Variants in BPIFB3 observed in about 807,000 individuals in gnomAD.
BPIFB3 encodes the protein BPI fold-containing family B member 3.
BPIFB3 carries 49 observed loss-of-function variants against 53.1 expected under a neutral mutation model. That is an observed-to-expected ratio of 0.92 (90% CI 0.73 to 1.17). BPIFB3 has a LOEUF of 1.17. Ranked by LOEUF, BPIFB3 falls within the 50% of genes most tolerant of loss-of-function variation. The probability of loss-of-function intolerance (pLI) is 0.00; values close to 1 mark genes in which losing one functional copy is unlikely to be tolerated. For missense variants in BPIFB3, 628 were observed against 592.5 expected (o/e 1.06, Z -0.62); for synonymous variants, 271 against 269.6 (o/e 1.01, Z -0.05).
chr20:33,061,261 G>A (rs745440014), intron 4 of BPIFB3, among the ~76,000 whole-genome samples: 1 of 152,058 alleles, frequency 6.6e-6, no homozygotes, highest in Non-Finnish European at 1.5e-5. Context: ...TGTGTTTGGG[G>A]CTCTGTGGTT....
At chr20:33,067,746 T>A (rs1980726845) in intron 9 of BPIFB3, among the ~76,000 whole-genome samples, 1 of 152,174 alleles carries the variant, frequency 6.6e-6, no homozygotes, top group Non-Finnish European at 1.5e-5. Context: ...GGCCTGCCCC[T>A]CCAGCATGGG....
At chr20:33,058,192 G>A (rs1267247890) in intron 2 of BPIFB3, among the ~76,000 whole-genome samples, 4 of 152,240 alleles carry the variant, frequency 2.6e-5, no homozygotes, top group African/African-American at 9.6e-5. Flanking sequence ...CCCAGTGTAT[G>A]GAGAAGAGTC....
intron 8 of BPIFB3, among the ~76,000 whole-genome samples, 174 bp downstream of exon 9, chr20:33,065,019 G>A (rs1980616748): frequency 6.6e-6 from 1 of 152,182 alleles, no homozygotes; most frequent in African/African-American, 2.4e-5. Flanking sequence ...TATACTTAGG[G>A]GAGACATTGC....
intron 2 of BPIFB3, among the ~76,000 whole-genome samples, chr20:33,057,156 T>C (rs1980244180): frequency 6.6e-6 from 1 of 152,188 alleles, no homozygotes. Flanking sequence ...CCCGGGATCA[T>C]AAATAGGGAC....
At chr20:33,072,375 G>C (rs1011192156) in intron 13 of BPIFB3, among the ~76,000 whole-genome samples, 19 of 152,158 alleles carry the variant, frequency 1.2e-4, no homozygotes, top group African/African-American at 1.7e-4. Flanking sequence ...TGGACTTCAA[G>C]CGCTGATCTG....
At position 33,069,874 on chromosome 20, in the gene BPIFB3, C is replaced by T. The variant is rs1180515595; in HGVS notation, c.1150-14C>T. On this transcript the variant is annotated splice_polypyrimidine_tract_variant and intron_variant, in intron 10 of 14. Coordinates refer to ENST00000375494, the Ensembl canonical transcript of BPIFB3. ...GCCGATTGGGGGTGACTTCTGCCTG[C>T]TTTGCCCATGCAGGTCATGACTGTG... 6.2e-7 allele frequency: 1 copy of T among 1,614,076 alleles called. No individual in the cohort carries two copies. Among genetic ancestry groups the T allele is most frequent in the African/African-American group, 1.3e-5 (1 of 74,940 alleles).
At chr20:33,055,290 C>A, upstream of BPIFB3, 1 of 1,367,724 alleles carries the variant, frequency 7.3e-7, no homozygotes, top group Non-Finnish European at 1.0e-6. Context: ...GAGGAGAAGG[C>A]TTTCCTGGGA....
intron 10 of BPIFB3, 21 bp downstream of exon 11, chr20:33,068,994 T>A: frequency 3.1e-6 from 5 of 1,601,394 alleles, no homozygotes; most frequent in Non-Finnish European, 4.3e-6. Context: ...AAGGGGTGGC[T>A]GGGGGCCCGG....
exon 4 of BPIFB3, chr20:33,060,002 G>C (rs757918943): frequency 1.2e-6 from 2 of 1,614,084 alleles, no homozygotes; most frequent in Non-Finnish European, 1.7e-6. Flanking sequence ...GCTGCAGCAC[G>C]CTCCTGGGCC....
chr20:33,056,488 C>A, intron 1 of BPIFB3, 54 bp from the exon 3 acceptor site: 2 of 1,602,114 alleles, frequency 1.2e-6, no homozygotes, highest in South Asian at 2.2e-5. Flanking sequence ...CTGCCATGGT[C>A]CTGGGGGTGA....
intron 8 of BPIFB3, among the ~76,000 whole-genome samples, chr20:33,066,106 A>C (rs747379301): frequency 1.2e-4 from 19 of 152,186 alleles, no homozygotes; most frequent in Non-Finnish European, 2.6e-4. Flanking sequence ...CTGTGTGAAC[A>C]GGGCTGTTCT....
intron 14 of BPIFB3, 40 bp downstream of exon 15, chr20:33,072,833 G>T: frequency 6.6e-7 from 1 of 1,507,616 alleles, no homozygotes. Flanking sequence ...TGGGCCTTAA[G>T]CTTGTCTCTG....
At chr20:33,060,855 G>A (rs191857947) in intron 4 of BPIFB3, among the ~76,000 whole-genome samples, 47 of 152,290 alleles carry the variant, frequency 3.1e-4, no homozygotes, top group African/African-American at 9.9e-4. Context: ...GTGAGCCACC[G>A]TGCCTGACCT....
In BPIFB3 at chr20:33,069,969, C is replaced by T; in HGVS notation, c.1217+14C>T. ...GTCCCTGGAACGGTAACTTGGGATC[C>T]TGGGGACAGGATCTTGTTCTTGTCT... is the stretch of plus-strand genomic sequence containing the variant. On this transcript the variant is annotated intron_variant, in intron 11 of 14. Coordinates refer to ENST00000375494, the Ensembl canonical transcript of BPIFB3. 1 of 1,613,896 alleles carries T rather than the reference C, an allele frequency of 6.2e-7. No individual in the cohort carries two copies. The highest frequency in any genetic ancestry group is 8.5e-7 in the Non-Finnish European group (1 of 1,179,738).
chr20:33,065,442 T>A (rs1375072593), intron 8 of BPIFB3, among the ~76,000 whole-genome samples: 1 of 150,704 alleles, frequency 6.6e-6, no homozygotes, highest in East Asian at 2.0e-4. Context: ...GCCTGGGAGG[T>A]CAAGGCTGAA....
At chr20:33,063,664 G>T in exon 6 of BPIFB3, 1 of 1,613,878 alleles carries the variant, frequency 6.2e-7, no homozygotes, top group Non-Finnish European at 8.5e-7. Context: ...GAGCTCCTGG[G>T]GGCTGTGCTG....
At chr20:33,071,370 G>T in intron 12 of BPIFB3, 75 bp downstream of exon 13, 1 of 1,496,150 alleles carries the variant, frequency 6.7e-7, no homozygotes, top group Non-Finnish European at 9.1e-7. Flanking sequence ...GGGTGGCCAT[G>T]AGTCATGGGC....
chr20:33,071,021 A>C (rs1275525380), intron 11 of BPIFB3, among the ~76,000 whole-genome samples: 1 of 152,114 alleles, frequency 6.6e-6, no homozygotes, highest in African/African-American at 2.4e-5. Context: ...AGTCAGACAA[A>C]GGCGCCAAGG....
chr20:33,062,660 C>T (rs370177), intron 5 of BPIFB3, among the ~76,000 whole-genome samples: 116,814 of 152,218 alleles, frequency 0.77, 45,057 homozygotes, highest in East Asian at 0.98. Context: ...GTTTTGAAAA[C>T]GAGCATTCAT....
Sources: allele counts gnomAD v4.1 joint callset (sites outside exome capture counted in the v4.1 genomes callset), GRCh38; gene constraint gnomAD v4.1.1; transcripts MANE v1.5; gene names NCBI Gene and HGNC (gene_info 2026-07-23, HGNC 2026-07-21).